LRPPRC: variants seen among roughly 807,000 people sequenced by gnomAD.
LRPPRC encodes leucine rich pentatricopeptide repeat containing.
LRPPRC carries 120 observed loss-of-function variants against 180.3 expected under a neutral mutation model. The ratio of observed to expected loss-of-function variants is 0.67; its 90% CI spans 0.57 to 0.77. The LOEUF is 0.77. LRPPRC is among the 30% of genes least tolerant of loss of function. LRPPRC has a pLI of 0.00. For missense variants in LRPPRC, 2,012 were observed against 1,657.2 expected, an observed-to-expected ratio of 1.21 and a Z score of -3.72; for synonymous variants, 723 against 600.0, an observed-to-expected ratio of 1.21 and a Z score of -3.00.
At chr2:43,972,125 T>C (rs1473833217) in intron 11 of LRPPRC, among the ~76,000 whole-genome samples, 1 of 152,164 alleles carries the variant, frequency 6.6e-6, no homozygotes, top group Non-Finnish European at 1.5e-5. Context: ...AAGGATATTT[T>C]AAAAGGAGGA....
chr2:43,988,540 A>G (rs1674634164), intron 1 of LRPPRC, among the ~76,000 whole-genome samples: 1 of 152,208 alleles, frequency 6.6e-6, no homozygotes, highest in East Asian at 1.9e-4. Context: ...CCGTCTAACA[A>G]GAAAGAAAAG....
intron 11 of LRPPRC, among the ~76,000 whole-genome samples, chr2:43,965,631 TA>T (rs1205784282): frequency 1.3e-5 from 2 of 152,070 alleles, no homozygotes; most frequent in Non-Finnish European, 2.9e-5. Flanking sequence ...GGCTAATACC[TA>T]AAATATATAA....
rs559994480 is a variant in LRPPRC, at chr2:43,995,750, G to A, written c.149+49C>T. 1,526 of 1,346,048 alleles carry A rather than the reference G, an allele frequency of 1.1e-3. 15 individuals are homozygous for A. The African/African-American group carries it at 0.021, about 18-fold the overall frequency. The allele number at this position is 1,346,048 out of a possible 1,614,324, so 83.4% of individuals were successfully genotyped here. On this transcript the variant is annotated intron_variant, in intron 1 of 37. Transcript: ENST00000260665. ...GTCCCTGCCGGCACCCACGACCCCG[G>A]GGGACCCTGGCGCCGCAGCTTGCCT...
At position 43,901,309 on chromosome 2, in the gene LRPPRC, C is replaced by G; in HGVS notation, c.3569+11G>C. The G allele has an allele frequency of 6.2e-7, 1 of 1,608,988 alleles. No individual in the cohort carries two copies. The highest frequency in any genetic ancestry group is 8.5e-7 in the Non-Finnish European group (1 of 1,176,388). ...GACCAATGAAGGAAAAGAAGGCTTG[C>G]AAATACTCACTTCTTTATTTGAGCC... On this transcript the variant is annotated intron_variant, in intron 32 of 37. Coordinates refer to ENST00000260665, the MANE Select transcript of LRPPRC (RefSeq NM_133259.4).
intron 27 of LRPPRC, among the ~76,000 whole-genome samples, chr2:43,920,775 A>G (rs900615863): frequency 2.0e-5 from 3 of 152,136 alleles, no homozygotes; most frequent in African/African-American, 7.2e-5. Context: ...GACTGTGGGA[A>G]GACAGGGAAG....
Position 43,887,462 on chromosome 2 carries a change from T to G in LRPPRC, c.*1138A>C, listed in dbSNP as rs979895787. ...ACAAGTTGCAAGAGGCCCGCCTACG[T>G]CCCCAAGGCAAGGTCTCCCCTGATG... On this transcript the variant is annotated 3_prime_UTR_variant, in exon 38 of 38. Transcript: ENST00000260665. 1.3e-5 allele frequency: 2 copies of G among 152,146 alleles called. No homozygotes were observed. Among genetic ancestry groups the G allele is most frequent in the Non-Finnish European group, 2.9e-5 (2 of 68,056 alleles). 9.4% of individuals were successfully genotyped at this position (152,146 alleles called of 1,614,324 possible). A position where few individuals can be genotyped will look rare whatever the true frequency, so the allele number is the denominator to read the frequency against.
chr2:43,979,721 C>T (rs924632031), intron 3 of LRPPRC, 105 bp downstream of exon 3: 6 of 918,266 alleles, frequency 6.5e-6, no homozygotes, highest in African/African-American at 3.3e-5. Context: ...ATCAAGTAGC[C>T]CTTCCATAAA....
intron 11 of LRPPRC, among the ~76,000 whole-genome samples, chr2:43,966,271 G>C (rs186597560): frequency 6.6e-6 from 1 of 152,082 alleles, no homozygotes; most frequent in East Asian, 1.9e-4. Flanking sequence ...GTTGAACTCT[G>C]TTATGGGACT....
chr2:43,892,071 G>A (rs977229565), intron 36 of LRPPRC, among the ~76,000 whole-genome samples: 2 of 152,174 alleles, frequency 1.3e-5, no homozygotes, highest in African/African-American at 4.8e-5. Context: ...TGGTTCATGA[G>A]GTTTAAGGAA....
Position 43,957,411 on chromosome 2 carries a change from T to C in LRPPRC, c.1623A>G (p.Arg541=). 1 of 1,613,534 alleles carries C rather than the reference T, an allele frequency of 6.2e-7. No individual in the cohort carries two copies. The highest frequency in any genetic ancestry group is 8.5e-7 in the Non-Finnish European group (1 of 1,179,474). The change falls in exon 14 of 38, where the codon AGA becomes AGG. Residue 541 remains arginine (R), a synonymous_variant. Transcript: ENST00000260665. ...NTLPISLQSI[R]SSLLLGFRRS... The stretch of plus-strand genomic sequence containing the variant: ...TCCTGAAGCCTAGCAGTAGGCTACT[T>C]CTTATAGACTGCAGCGAGATGGGCA...
intron 1 of LRPPRC, among the ~76,000 whole-genome samples, chr2:43,994,412 C>T (rs565513243): frequency 2.0e-5 from 3 of 152,190 alleles, no homozygotes; most frequent in Non-Finnish European, 2.9e-5. Flanking sequence ...TAGTAACCAA[C>T]AAAGCACTTA....
chr2:43,963,824 C>T (rs1020677391), intron 11 of LRPPRC, 118 bp from the exon 12 acceptor site: 5 of 758,084 alleles, frequency 6.6e-6, no homozygotes, highest in African/African-American at 3.4e-5. Flanking sequence ...CTCAGCAATT[C>T]GTTTGTCTAA....
rs549631836 is a variant in LRPPRC, at chr2:43,915,846, C to G, written c.3148+2179G>C. 2.0e-5 allele frequency among the ~76,000 whole-genome samples: 3 copies of G among 152,260 alleles called. No individual in the cohort carries two copies. In the East Asian group the frequency reaches 5.8e-4, roughly 29 times the overall value. ...ACCCAGGTGCGATCATGGCTCAATGCAGCTTCAACCTCCGGCTCAGCTGAT... is the reference window on the plus strand; with the variant it reads ...ACCCAGGTGCGATCATGGCTCAATGGAGCTTCAACCTCCGGCTCAGCTGAT... On this transcript the variant is annotated intron_variant, in intron 29 of 37. Coordinates refer to ENST00000260665, the MANE Select transcript of LRPPRC (RefSeq NM_133259.4).
In LRPPRC at chr2:43,934,305, G is replaced by C. The variant is rs768396337; in HGVS notation, c.2630-9C>G. On this transcript the variant is annotated splice_polypyrimidine_tract_variant and intron_variant, in intron 24 of 37. Coordinates refer to ENST00000260665, the MANE Select transcript of LRPPRC (RefSeq NM_133259.4). ...GCTCACAAAGTCCATTGCTAGGTAG[G>C]AGAGAAAAAAATATATATATTAGGA... The C allele has an allele frequency of 7.2e-7, 1 of 1,388,494 alleles. No individual in the cohort carries two copies. The highest frequency in any genetic ancestry group is 1.0e-6 in the Non-Finnish European group (1 of 978,066). 86.0% of individuals were successfully genotyped at this position (1,388,494 alleles called of 1,614,324 possible). A position where few individuals can be genotyped will look rare whatever the true frequency, so the allele number is the denominator to read the frequency against.
intron 32 of LRPPRC, among the ~76,000 whole-genome samples, chr2:43,900,779 TA>T (rs1244552374): frequency 6.6e-6 from 1 of 152,120 alleles, no homozygotes; most frequent in Non-Finnish European, 1.5e-5. Context: ...GGGAGCTTAT[TA>T]AAAATCAAGT....
intron 36 of LRPPRC, among the ~76,000 whole-genome samples, chr2:43,892,491 G>T (rs765750837): frequency 3.3e-5 from 5 of 152,174 alleles, no homozygotes; most frequent in Non-Finnish European, 5.9e-5. Context: ...TTTAAAGCCT[G>T]CTGTAGAGAC....
chr2:43,920,782 G>C (rs996731495), intron 27 of LRPPRC, among the ~76,000 whole-genome samples: 1 of 152,096 alleles, frequency 6.6e-6, no homozygotes, highest in Non-Finnish European at 1.5e-5. Flanking sequence ...GGAAGACAGG[G>C]AAGGTTTCCA....
At chr2:43,959,108 G>A (rs531447989) in intron 13 of LRPPRC, 424 of 657,820 alleles carry the variant, frequency 6.4e-4, no homozygotes, top group South Asian at 2.1e-3. Flanking sequence ...GGTTGACAAC[G>A]AAGTGGAATG....
intron 1 of LRPPRC, among the ~76,000 whole-genome samples, chr2:43,995,154 T>C: frequency 6.6e-6 from 1 of 152,114 alleles, no homozygotes. Flanking sequence ...GGCAGGAGAA[T>C]CGCTTGAACC....
Sources: gnomAD v4.1 joint callset for allele counts (sites outside exome capture counted in the v4.1 genomes callset) on GRCh38, gnomAD v4.1.1 for gene constraint, MANE v1.5 for transcripts, NCBI Gene and HGNC (gene_info 2026-07-23, HGNC 2026-07-21) for gene names.